The following FBXL17 variants were observed in gnomAD, a reference collection of about 807,000 sequenced individuals.
FBXL17 encodes the protein F-box and leucine rich repeat protein 17.
In FBXL17, 22 loss-of-function variants were observed where a neutral mutation model predicts 66.2. That is an observed-to-expected ratio of 0.33 (90% confidence interval 0.24 to 0.47). The LOEUF (loss-of-function observed/expected upper bound fraction) is 0.47, where lower values mean the gene tolerates loss of function less well. FBXL17 is among the 20% of genes least tolerant of loss of function. The pLI is 1.00. For synonymous variants in FBXL17, 474 were observed against 400.5 expected (o/e 1.18, Z -2.19); for missense variants, 878 against 948.2 (o/e 0.93, Z 0.97).
chr5:107,928,237 G>T (rs183917370), intron 7 of FBXL17, among the ~76,000 whole-genome samples: 1 of 152,138 alleles, frequency 6.6e-6, no homozygotes, highest in Non-Finnish European at 1.5e-5. Flanking sequence ...CTAAGGAAAG[G>T]TTTTTCACTA....
At chr5:108,080,457 C>T (rs907341612) in intron 6 of FBXL17, among the ~76,000 whole-genome samples, 3 of 152,086 alleles carry the variant, frequency 2.0e-5, no homozygotes, top group Non-Finnish European at 4.4e-5. Context: ...GAGTCATATA[C>T]CAAAATTCAT....
intron 4 of FBXL17, among the ~76,000 whole-genome samples, chr5:108,234,227 A>G (rs1755494969): frequency 6.6e-6 from 1 of 152,178 alleles, no homozygotes; most frequent in South Asian, 2.1e-4. Context: ...TAGACGGCTC[A>G]CACTCAGCCG....
chr5:108,377,255 G>A (rs539555931), intron 1 of FBXL17, among the ~76,000 whole-genome samples: 3 of 152,290 alleles, frequency 2.0e-5, no homozygotes, highest in East Asian at 1.9e-4. Flanking sequence ...ATAGTTTCAC[G>A]TTATGCCAGG....
At chr5:107,942,864 G>C (rs1401086762) in intron 7 of FBXL17, among the ~76,000 whole-genome samples, 1 of 151,468 alleles carries the variant, frequency 6.6e-6, no homozygotes, top group Non-Finnish European at 1.5e-5. Flanking sequence ...CCTTCCACTT[G>C]CTTCTCTAAG....
chr5:108,137,608 T>C (rs1561428472), intron 6 of FBXL17, among the ~76,000 whole-genome samples: 1 of 152,178 alleles, frequency 6.6e-6, no homozygotes, highest in Non-Finnish European at 1.5e-5. Context: ...CTTATCAGTG[T>C]CCAGCAATTA....
At chr5:108,217,181 C>T (rs938928682) in intron 5 of FBXL17, among the ~76,000 whole-genome samples, 1 of 152,038 alleles carries the variant, frequency 6.6e-6, no homozygotes, top group Non-Finnish European at 1.5e-5. Flanking sequence ...GACCCCAGCC[C>T]CACAGTGGAT....
intron 7 of FBXL17, among the ~76,000 whole-genome samples, chr5:107,937,868 G>A (rs1750964682): frequency 6.6e-6 from 1 of 152,144 alleles, no homozygotes; most frequent in South Asian, 2.1e-4. Flanking sequence ...ATCATATCAA[G>A]AAGGCCAGTA....
At chr5:107,866,209 T>C (rs939504757) in intron 8 of FBXL17, among the ~76,000 whole-genome samples, 1 of 152,192 alleles carries the variant, frequency 6.6e-6, no homozygotes, top group South Asian at 2.1e-4. Flanking sequence ...GCAATGTATC[T>C]TCTTAAAGAA....
At chr5:108,335,575 TA>T (rs1760340670) in intron 4 of FBXL17, among the ~76,000 whole-genome samples, 1 of 151,980 alleles carries the variant, frequency 6.6e-6, no homozygotes, top group Non-Finnish European at 1.5e-5. Flanking sequence ...CTGAGAAAGG[TA>T]TGCCTTAACA....
rs1051701033 is a variant in FBXL17, at chr5:108,381,848, G to T, written c.-157C>A. On this transcript the variant is annotated 5_prime_UTR_variant, in exon 1 of 9. Coordinates refer to ENST00000542267, the MANE Select transcript of FBXL17 (RefSeq NM_001163315.3). ...CACACGGGCACACACGCGACGGTGGGGGGTGGGCGTCAGCTGCGGGCCGCC... is the reference window on the plus strand; with the variant it reads ...CACACGGGCACACACGCGACGGTGGTGGGTGGGCGTCAGCTGCGGGCCGCC... 18 of 1,298,250 alleles carry T rather than the reference G, an allele frequency of 1.4e-5. No homozygotes were observed. Among genetic ancestry groups the T allele is most frequent in the African/African-American group, 7.7e-5 (5 of 64,764 alleles). 80.4% of individuals were successfully genotyped at this position (1,298,250 alleles called of 1,614,324 possible).
intron 7 of FBXL17, among the ~76,000 whole-genome samples, chr5:107,950,414 A>G (rs1399042266): frequency 6.6e-6 from 1 of 152,234 alleles, no homozygotes; most frequent in Non-Finnish European, 1.5e-5. Context: ...TATTCTGAAT[A>G]TAGAATAATC....
intron 6 of FBXL17, among the ~76,000 whole-genome samples, chr5:108,048,621 A>G (rs1747350700): frequency 6.6e-6 from 1 of 152,224 alleles, no homozygotes; most frequent in African/African-American, 2.4e-5. Context: ...AAATGACCTG[A>G]TGGAGCTGAA....
At chr5:108,185,875 C>G (rs1048060279) in intron 6 of FBXL17, among the ~76,000 whole-genome samples, 78 of 152,078 alleles carry the variant, frequency 5.1e-4, no homozygotes, top group Non-Finnish European at 1.3e-4. Flanking sequence ...AATTCAACAG[C>G]CTACTATTGT....
chr5:108,179,308 T>C (rs1752911033), intron 6 of FBXL17, among the ~76,000 whole-genome samples: 1 of 152,112 alleles, frequency 6.6e-6, no homozygotes, highest in Admixed American at 6.6e-5. Flanking sequence ...TAGAAAAATC[T>C]TTATATAAAG....
intron 7 of FBXL17, among the ~76,000 whole-genome samples, chr5:107,952,891 G>A (rs1751541500): frequency 6.6e-6 from 1 of 152,086 alleles, no homozygotes; most frequent in African/African-American, 2.4e-5. Flanking sequence ...TAACTAGGGG[G>A]AAATCTATAT....
chr5:107,964,104 T>C (rs1249136689), intron 7 of FBXL17, among the ~76,000 whole-genome samples: 1 of 152,198 alleles, frequency 6.6e-6, no homozygotes, highest in African/African-American at 2.4e-5. Context: ...TCCACTCTAG[T>C]ACAGACAGGT....
intron 6 of FBXL17, among the ~76,000 whole-genome samples, chr5:108,112,318 T>A (rs1750068666): frequency 2.6e-5 from 4 of 152,218 alleles, no homozygotes; most frequent in Admixed American, 2.6e-4. Context: ...GAGTACTTGA[T>A]ACTTCCATGA....
intron 6 of FBXL17, among the ~76,000 whole-genome samples, chr5:108,165,194 A>C (rs1419585671): frequency 1.3e-5 from 2 of 152,256 alleles, no homozygotes; most frequent in African/African-American, 4.8e-5. Context: ...CTAACCTGTT[A>C]GAAATGGTGG....
chr5:108,310,881 A>T (rs1759083197), intron 4 of FBXL17, among the ~76,000 whole-genome samples: 2 of 152,198 alleles, frequency 1.3e-5, no homozygotes, highest in Non-Finnish European at 2.9e-5. Flanking sequence ...GAAAGTCCAC[A>T]GACAATTTTA....
Sources: gnomAD v4.1 joint callset for allele counts (sites outside exome capture counted in the v4.1 genomes callset) on GRCh38, gnomAD v4.1.1 for gene constraint, MANE v1.5 for transcripts, NCBI Gene and HGNC (gene_info 2026-07-23, HGNC 2026-07-21) for gene names.